Variants in LETM1 observed in about 807,000 individuals in gnomAD.
LETM1 encodes leucine zipper and EF-hand containing transmembrane protein 1.
LETM1 carries 50 observed loss-of-function variants against 74.5 expected under a neutral mutation model. The observed-to-expected ratio is 0.67, with a 90% CI of 0.53 to 0.85. The LOEUF is 0.85. Among genes scored for constraint, LETM1 ranks in the 40% least tolerant of loss-of-function variants. The pLI, the probability that LETM1 is intolerant of heterozygous loss-of-function variation, is 0.00. For missense variants in LETM1, 824 were observed against 967.8 expected (o/e 0.85, Z 1.97); for synonymous variants, 446 against 407.1 (o/e 1.10, Z -1.15).
At chr4:1,827,110 G>A (rs1024520344) in intron 6 of LETM1, among the ~76,000 whole-genome samples, 2 of 152,156 alleles carry the variant, frequency 1.3e-5, no homozygotes, top group African/African-American at 4.8e-5. Context: ...GCTGCGCCGA[G>A]GTACTTTCTC....
At chr4:1,831,479 C>G (rs1043697426) in intron 6 of LETM1, among the ~76,000 whole-genome samples, 30 of 152,254 alleles carry the variant, frequency 2.0e-4, no homozygotes, top group Admixed American at 2.0e-3. Flanking sequence ...CTTGTTCCTG[C>G]TGGGCAGTGG....
At chr4:1,816,972 G>A (rs1711589063) in intron 11 of LETM1, 58 bp from the exon 12 acceptor site, 5 of 1,441,074 alleles carry the variant, frequency 3.5e-6, no homozygotes, top group African/African-American at 1.4e-5. Flanking sequence ...GGGGTCAGGT[G>A]TAGTGGCTCA....
rs1321822265 is a variant in LETM1 at position 1,836,361 on chromosome 4, A to T, written c.738+68T>A. 1.9e-6 allele frequency: 3 copies of T among 1,539,490 alleles called. No individual in the cohort carries two copies. In the Admixed American group the frequency reaches 5.1e-5, roughly 26 times the overall value. On this transcript the variant is annotated intron_variant, in intron 4 of 13. Transcript: ENST00000302787. This position sits in a 1 kb window ranked among gnomAD's most constrained non-coding sequence, Gnocchi z 5.8. ...AAATATCTAGCACCTGAAAAGTCACAAACAAGGAAGCCATCACAATGAATT... is the reference window on the plus strand; with the variant it reads ...AAATATCTAGCACCTGAAAAGTCACTAACAAGGAAGCCATCACAATGAATT...
At chr4:1,825,451 G>A in intron 7 of LETM1, 113 bp downstream of exon 7, 2 of 1,336,730 alleles carry the variant, frequency 1.5e-6, no homozygotes, top group East Asian at 4.7e-5. Flanking sequence ...AGAGGTCACA[G>A]TGTCGCCTCG....
chr4:1,825,115 T>C (rs756270136), intron 7 of LETM1, among the ~76,000 whole-genome samples: 51 of 152,256 alleles, frequency 3.3e-4, no homozygotes, highest in South Asian at 1.5e-3. Flanking sequence ...TTTGATGGCA[T>C]TGGGAACCAG....
At chr4:1,832,560 T>C (rs1712313579) in intron 6 of LETM1, among the ~76,000 whole-genome samples, 184 bp downstream of exon 6, 1 of 151,982 alleles carries the variant, frequency 6.6e-6, no homozygotes, top group Admixed American at 6.6e-5. Flanking sequence ...TCCGAGAAGG[T>C]GCCAGAGAAA....
rs113060448 is a variant in LETM1 at position 1,852,415 on chromosome 4, C to A, written c.83-3206G>T. ...CGCCAGTGGGAAGCCTCACCAGCCT[C>A]CTCACCCAGAAGTTCTCATCAAGGC... On this transcript the variant is annotated intron_variant, in intron 1 of 13. Coordinates refer to ENST00000302787, the MANE Select transcript of LETM1 (RefSeq NM_012318.3). Among the ~76,000 whole-genome samples the A allele has an allele frequency of 2.2e-3, 330 of 152,310 alleles. 1 individual carries two copies. The highest frequency in any genetic ancestry group is 7.6e-3 in the African/African-American group (317 of 41,570).
chr4:1,841,321 G>C, intron 3 of LETM1, 26 bp downstream of exon 3: 1 of 1,590,066 alleles, frequency 6.3e-7, no homozygotes. Context: ...AGAAAGAAAA[G>C]AAAGGACTAG....
chr4:1,855,241 A>T (rs532473657), intron 1 of LETM1, among the ~76,000 whole-genome samples: 1 of 152,262 alleles, frequency 6.6e-6, no homozygotes, highest in Non-Finnish European at 1.5e-5. Context: ...TTGGTTAATT[A>T]GAGAGAGAGA....
At chr4:1,841,233 T>C in intron 3 of LETM1, 114 bp downstream of exon 3, 1 of 909,776 alleles carries the variant, frequency 1.1e-6, no homozygotes. Flanking sequence ...TGGTCCCAGA[T>C]ACTCGGGAGG....
chr4:1,828,815 A>AC lies in LETM1; in HGVS notation c.1081-3133dup, dbSNP rs1375679940. ...GGCGGCTGGCCGGGCAGGGGGGCTG[A>AC]CCCCCCCCACCTCCCTCCCGGACGG... On this transcript the variant is annotated intron_variant, in intron 6 of 13. Transcript: ENST00000302787. Among the ~76,000 whole-genome samples, 40 of 47,380 alleles carry AC rather than the reference A, an allele frequency of 8.4e-4. No homozygotes were observed. In the South Asian group the frequency reaches 0.012, roughly 14 times the overall value. 31.1% of individuals were successfully genotyped at this position (47,380 alleles called of 152,430 possible). A position where few individuals can be genotyped will look rare whatever the true frequency, so the allele number is the denominator to read the frequency against.
intron 2 of LETM1, among the ~76,000 whole-genome samples, chr4:1,845,323 T>A (rs1040092348): frequency 1.3e-5 from 2 of 150,856 alleles, no homozygotes; most frequent in South Asian, 4.2e-4. Flanking sequence ...TAGCTACTTA[T>A]CTGGTGACTA....
chr4:1,827,770 T>C (rs1712051124), intron 6 of LETM1, among the ~76,000 whole-genome samples: 1 of 149,522 alleles, frequency 6.7e-6, no homozygotes, highest in South Asian at 2.1e-4. Flanking sequence ...AAGCCGCCAT[T>C]GTCATCCTGG....
intron 2 of LETM1, among the ~76,000 whole-genome samples, chr4:1,845,526 A>G (rs116402289): frequency 0.015 from 2,278 of 150,768 alleles, 51 homozygotes; most frequent in African/African-American, 0.052. Flanking sequence ...ACCACCATCC[A>G]TAATTCTTTT....
rs576241109 is a variant in LETM1 at position 1,839,872 on chromosome 4, C to A, written c.594+1475G>T. ...CTGGGAAGCATGGAAGATCCATGCC[C>A]CTTCCCCGTACATACCTTGCCTTAC... On this transcript the variant is annotated intron_variant, in intron 3 of 13. Transcript: ENST00000302787. 5.3e-5 allele frequency among the ~76,000 whole-genome samples: 8 copies of A among 152,320 alleles called. No individual in the cohort carries two copies. In the South Asian group the frequency reaches 1.5e-3, roughly 28 times the overall value.
intron 12 of LETM1, 25 bp downstream of exon 12, chr4:1,816,702 C>G (rs369183569): frequency 1.9e-6 from 3 of 1,607,204 alleles, no homozygotes; most frequent in African/African-American, 2.7e-5. Flanking sequence ...TCCGATCCCT[C>G]TCCCGCGCCC....
intron 12 of LETM1, among the ~76,000 whole-genome samples, chr4:1,816,312 C>A (rs1317671995): frequency 6.6e-6 from 1 of 152,216 alleles, no homozygotes; most frequent in Non-Finnish European, 1.5e-5. Flanking sequence ...CACAAAACGG[C>A]AGCTCCCTCA....
intron 2 of LETM1, chr4:1,842,988 C>G (rs761316624): frequency 9.0e-6 from 3 of 334,140 alleles, no homozygotes; most frequent in South Asian, 2.3e-5. Flanking sequence ...CAAATCCCCC[C>G]GGGTGGCCCG....
chr4:1,826,602 G>T (rs1195459330), intron 6 of LETM1, among the ~76,000 whole-genome samples: 1 of 152,212 alleles, frequency 6.6e-6, no homozygotes, highest in Admixed American at 6.5e-5. Flanking sequence ...GTCACCTCTG[G>T]GGTTCCCTGA....
Sources: gnomAD v4.1 joint callset for allele counts (sites outside exome capture counted in the v4.1 genomes callset) on GRCh38, gnomAD v4.1.1 for gene constraint, Gnocchi (gnomAD v3.1) non-coding constraint, MANE v1.5 for transcripts, NCBI Gene and HGNC (gene_info 2026-07-23, HGNC 2026-07-21) for gene names.